Variants in EIF3CL observed in about 807,000 individuals in gnomAD.
The protein encoded by EIF3CL is eukaryotic translation initiation factor 3 subunit C like.
For synonymous variants in EIF3CL, 2 were observed against 19.6 expected (o/e 0.10, Z 2.37); for missense variants, 5 against 56.1 (o/e 0.09, Z 2.91).
the EIF3CL span, among the ~76,000 whole-genome samples, chr16:28,421,878 C>A: frequency 7.0e-4 from 87 of 123,614 alleles, no homozygotes; most frequent in Admixed American, 7.3e-3. Context: ...TAGCATGTCA[C>A]TACATTATGG....
the EIF3CL span, among the ~76,000 whole-genome samples, chr16:28,416,864 GCC>G: frequency 4.4e-5 from 3 of 68,490 alleles, no homozygotes; most frequent in African/African-American, 1.6e-4. Context: ...CCGGCCAGCC[GCC>G]CCGTCCGGGA....
At chr16:28,416,640 C>T in the EIF3CL span, among the ~76,000 whole-genome samples, 4 of 84,302 alleles carry the variant, frequency 4.7e-5, no homozygotes, top group African/African-American at 8.6e-5. Flanking sequence ...TGAGGAGCCC[C>T]TCCGCCCGGC....
chr16:28,408,323 G>A (rs1251761135), upstream of EIF3CL, among the ~76,000 whole-genome samples: 2 of 54,094 alleles, frequency 3.7e-5, no homozygotes, highest in East Asian at 1.4e-3. Context: ...CGTAACATGG[G>A]TGTATTTAAT....
chr16:28,417,024 G>C, the EIF3CL span, among the ~76,000 whole-genome samples: 2 of 47,918 alleles, frequency 4.2e-5, no homozygotes, highest in Non-Finnish European at 8.7e-5. Flanking sequence ...GGGGGGGTCA[G>C]CCCCCCCCGC....
the EIF3CL span, among the ~76,000 whole-genome samples, chr16:28,419,760 A>G: frequency 1.2e-4 from 1 of 8,272 alleles, no homozygotes; most frequent in Non-Finnish European, 3.2e-4. Flanking sequence ...ACTTAGGTCT[A>G]AAATCCAGGC....
chr16:28,417,364 T>C, the EIF3CL span, among the ~76,000 whole-genome samples: 1 of 138,466 alleles, frequency 7.2e-6, no homozygotes, highest in South Asian at 2.2e-4. Context: ...GGCGGCTTTG[T>C]GGAATAGAAA....
the EIF3CL span, among the ~76,000 whole-genome samples, chr16:28,424,281 C>A: frequency 1.0e-5 from 1 of 99,674 alleles, no homozygotes; most frequent in South Asian, 2.8e-4. Flanking sequence ...AGCCACCACG[C>A]CCAGCCTATT....
chr16:28,414,904 C>T, the EIF3CL span: 1 of 517,430 alleles, frequency 1.9e-6, no homozygotes, highest in Non-Finnish European at 3.9e-6. Flanking sequence ...TGTATCGACG[C>T]CGGCCTCCGG....
chr16:28,416,940 C>T, the EIF3CL span, among the ~76,000 whole-genome samples: 1 of 97,286 alleles, frequency 1.0e-5, no homozygotes, highest in East Asian at 3.4e-4. Context: ...TGAGGGGCGC[C>T]TCTGCCCGGC....
chr16:28,415,847 C>T, the EIF3CL span, among the ~76,000 whole-genome samples: 7 of 112,406 alleles, frequency 6.2e-5, no homozygotes, highest in Non-Finnish European at 1.3e-4. Flanking sequence ...TCTCCCTCTC[C>T]CTCTCCGTCT....
At chr16:28,423,879 T>C in the EIF3CL span, among the ~76,000 whole-genome samples, 1 of 117,284 alleles carries the variant, frequency 8.5e-6, no homozygotes, top group East Asian at 2.8e-4. Context: ...TGGAGTGCAG[T>C]GGCACTATCT....
chr16:28,405,880 TATACACACAC>T (rs2045684250), upstream of EIF3CL, among the ~76,000 whole-genome samples: 3 of 145,208 alleles, frequency 2.1e-5, no homozygotes, highest in Non-Finnish European at 4.7e-5. Flanking sequence ...TCTCTTTGTG[TATACACACAC>T]ACACACACAC....
rs570764664 is a variant in EIF3CL, at chr16:28,385,412, G to A, written c.1822-1931C>T. On this transcript the variant is annotated intron_variant, in intron 15 of 20. Coordinates refer to ENST00000380876, the MANE Select transcript of EIF3CL (RefSeq NM_001317857.2). ...CAGTGGCGTGATCGTGGCTCCTGCA[G>A]CCTCGACCTCCTGAGCTCAAGCAAT... 9.0e-5 allele frequency among the ~76,000 whole-genome samples: 11 copies of A among 121,678 alleles called. 2 individuals are homozygous for A. Among genetic ancestry groups the A allele is most frequent in the African/African-American group, 3.1e-4 (11 of 35,510 alleles). The allele number at this position is 121,678 out of a possible 152,430, so 79.8% of individuals were successfully genotyped here. A position where few individuals can be genotyped will look rare whatever the true frequency, so the allele number is the denominator to read the frequency against.
At chr16:28,425,133 C>T in the EIF3CL span, among the ~76,000 whole-genome samples, 1 of 9,004 alleles carries the variant, frequency 1.1e-4, no homozygotes, top group East Asian at 1.7e-3. Context: ...GCAACCTCTG[C>T]CTCCCAGGTT....
At chr16:28,416,859 C>T in the EIF3CL span, among the ~76,000 whole-genome samples, 1 of 85,666 alleles carries the variant, frequency 1.2e-5, no homozygotes, top group African/African-American at 4.1e-5. Flanking sequence ...TCTGCCCGGC[C>T]AGCCGCCCCG....
the EIF3CL span, among the ~76,000 whole-genome samples, chr16:28,426,172 G>A: frequency 1.2e-5 from 1 of 85,814 alleles, no homozygotes; most frequent in Admixed American, 1.4e-4. Context: ...AGAGCCCAGA[G>A]AAAGAACAAA....
chr16:28,415,766 G>T, the EIF3CL span, among the ~76,000 whole-genome samples: 2 of 136,328 alleles, frequency 1.5e-5, 1 homozygote, highest in Admixed American at 1.6e-4. Context: ...AAAAAAGTTG[G>T]AGGATTCACA....
intron 15 of EIF3CL, among the ~76,000 whole-genome samples, 184 bp downstream of exon 15, chr16:28,387,873 AT>A (rs1221521877): frequency 5.5e-3 from 561 of 101,546 alleles, no homozygotes; most frequent in Non-Finnish European, 8.4e-3. Flanking sequence ...AGCCTGGATA[AT>A]TTTTTTTTTT....
chr16:28,403,204 A>G (rs1380601242), intron 2 of EIF3CL, among the ~76,000 whole-genome samples: 6 of 105,872 alleles, frequency 5.7e-5, no homozygotes, highest in South Asian at 3.6e-4. Flanking sequence ...GAAGTCACTA[A>G]GGACTTCTCG....
Sources: allele counts gnomAD v4.1 joint callset (sites outside exome capture counted in the v4.1 genomes callset), GRCh38; gene constraint gnomAD v4.1.1; transcripts MANE v1.5; gene names NCBI Gene and HGNC (gene_info 2026-07-23, HGNC 2026-07-21).